ANO5: variants seen among roughly 807,000 people sequenced by gnomAD.
ANO5 encodes the protein anoctamin 5.
In ANO5, 109 loss-of-function variants were observed where a neutral mutation model predicts 121.0. The observed-to-expected ratio is 0.90, with a 90% CI of 0.77 to 1.06. The LOEUF (loss-of-function observed/expected upper bound fraction) is 1.06, where lower values mean the gene tolerates loss of function less well. Among genes scored for constraint, ANO5 ranks in the 50% least tolerant of loss-of-function variants. The probability of loss-of-function intolerance (pLI) is 0.00; values close to 1 mark genes in which losing one functional copy is unlikely to be tolerated. For missense variants in ANO5, 1,064 were observed against 1,078.5 expected (o/e 0.99, Z 0.19); for synonymous variants, 406 against 359.9 (o/e 1.13, Z -1.45).
intron 17 of ANO5, among the ~76,000 whole-genome samples, chr11:22,265,277 T>C (rs1564945545): frequency 6.6e-6 from 1 of 152,172 alleles, no homozygotes; most frequent in Non-Finnish European, 1.5e-5. Context: ...TTCTCATCAA[T>C]AGCATTAGAT....
At position 22,251,003 on chromosome 11, in the gene ANO5, G is replaced by C; in HGVS notation, c.1172G>C (p.Gly391Ala). The C allele has an allele frequency of 6.2e-7, 1 of 1,611,050 alleles. No individual in the cohort carries two copies. Among genetic ancestry groups the C allele is most frequent in the African/African-American group, 1.3e-5 (1 of 74,996 alleles). The change falls in exon 12 of 22, where the codon GGA (glycine) becomes GCA (alanine). Residue 391 changes from glycine to alanine, a missense_variant. Physicochemically the swap from Gly to Ala is moderately conservative, Grantham distance 60. Coordinates refer to ENST00000324559, the MANE Select transcript of ANO5 (RefSeq NM_213599.3). ...ACAGTGTTCTTTGCAATATTCATGG[G>C]AATTTGGGGTGAGTAAATAGTCCCA... is the stretch of plus-strand genomic sequence containing the variant. The part of the protein sequence containing the change: ...ESTVFFAIFM[G>A]IWVTLFLEFW...
chr11:22,271,115 C>G (rs1218626551), intron 18 of ANO5, among the ~76,000 whole-genome samples: 2 of 152,150 alleles, frequency 1.3e-5, no homozygotes, highest in Non-Finnish European at 2.9e-5. Flanking sequence ...CGCAGCTGCC[C>G]AATCTCGGCT....
At position 22,255,526 on chromosome 11, in the gene ANO5, G is replaced by A. The variant is rs1343682140; in HGVS notation, c.1332+4G>A. 5.0e-6 allele frequency: 8 copies of A among 1,612,670 alleles called. No homozygotes were observed. The highest frequency in any genetic ancestry group is 6.8e-6 in the Non-Finnish European group (8 of 1,178,994). ...GAAATTGAATGCAGTGACTAAGGTA[G>A]ACTAGAAAACTGTGAAACGGACAGC... On this transcript the variant is annotated splice_donor_region_variant and intron_variant, in intron 13 of 21. Coordinates refer to ENST00000324559, the MANE Select transcript of ANO5 (RefSeq NM_213599.3).
chr11:22,229,150 C>CCTCTCCAACACTTTCTCTAGGTA (rs1852950614), intron 7 of ANO5, among the ~76,000 whole-genome samples: 1 of 151,832 alleles, frequency 6.6e-6, no homozygotes, highest in East Asian at 1.9e-4. Flanking sequence ...TCTCCAACGT[C>CCTCTCCAACACTTTCTCTAGGTA]CTCTCCAACA....
At chr11:22,243,387 G>A (rs1853499929) in intron 9 of ANO5, among the ~76,000 whole-genome samples, 1 of 152,006 alleles carries the variant, frequency 6.6e-6, no homozygotes, top group South Asian at 2.1e-4. Context: ...TTTTGTTGTT[G>A]TGTCTCTATC....
chr11:22,279,682 A>T lies in ANO5; in HGVS notation c.2659A>T (p.Asn887Tyr). 6.2e-7 allele frequency: 1 copy of T among 1,612,926 alleles called. No homozygotes were observed. Among genetic ancestry groups the T allele is most frequent in the Non-Finnish European group, 8.5e-7 (1 of 1,179,190 alleles). ...HDFELNKLKE[N>Y]LGINSNEFAK... ...TTTTGAGCTCAACAAATTAAAAGAG[A>T]ACTTGGGAATTAATTCTAATGAATT... The change falls in exon 22 of 22, where the codon AAC becomes TAC. Residue 887 changes from asparagine (N) to tyrosine (Y), a missense_variant. Coordinates refer to ENST00000324559, the MANE Select transcript of ANO5 (RefSeq NM_213599.3).
rs794727745 is a variant in ANO5, at chr11:22,221,109, CAGCAA to C, written c.201_205del (p.Ser67ArgfsTer10). 1 of 1,611,140 alleles carries C rather than the reference CAGCAA, an allele frequency of 6.2e-7. No individual in the cohort carries two copies. Among genetic ancestry groups the C allele is most frequent in the Non-Finnish European group, 8.5e-7 (1 of 1,178,214 alleles). On this transcript the variant is annotated frameshift_variant, in exon 5 of 22. Coordinates refer to ENST00000324559, the MANE Select transcript of ANO5 (RefSeq NM_213599.3). LOFTEE classifies it high-confidence loss of function. ...ATGTCTCCTGCAGTTTCAAAAAAATCAGCAAAGCAAAGATTCTATCTTCTTCCGAG... is the reference window on the plus strand; with the variant it reads ...ATGTCTCCTGCAGTTTCAAAAAAATCAGCAAAGATTCTATCTTCTTCCGAG...
Position 22,282,112 on chromosome 11 carries a change from C to A in ANO5, c.*2347C>A, listed in dbSNP as rs893832388. The A allele has an allele frequency of 2.6e-5, 4 of 152,098 alleles. No individual in the cohort carries two copies. The highest frequency in any genetic ancestry group is 2.9e-5 in the Non-Finnish European group (2 of 67,988). The allele number at this position is 152,098 out of a possible 1,614,324, so 9.4% of individuals were successfully genotyped here. On this transcript the variant is annotated 3_prime_UTR_variant, in exon 22 of 22. Transcript: ENST00000324559. ...ATGGGAGGGCTGCATTAAGAGCACC[C>A]AACCACCACATGTAAGTTGATAATT...
intron 1 of ANO5, among the ~76,000 whole-genome samples, chr11:22,199,729 C>G (rs947199728): frequency 6.6e-6 from 1 of 151,994 alleles, no homozygotes; most frequent in Non-Finnish European, 1.5e-5. Flanking sequence ...ATCTGCATTA[C>G]ATTCACTCTG....
chr11:22,250,597 A>T, intron 10 of ANO5, 144 bp from the exon 11 acceptor site: 1 of 1,022,272 alleles, frequency 9.8e-7, no homozygotes, highest in Non-Finnish European at 1.5e-6. Context: ...TCAAAGCATG[A>T]CTTGACCCAC....
In ANO5 at chr11:22,262,963, T is replaced by C. The variant is rs760269206; in HGVS notation, c.1818T>C (p.Cys606=). The change falls in exon 17 of 22, where the codon TGT becomes TGC. Residue 606 remains cysteine, a synonymous_variant. Coordinates refer to ENST00000324559, the MANE Select transcript of ANO5 (RefSeq NM_213599.3). ...WRSEECDPGG[C]LIELTTQLTI... ...CTGACTAGTGTGATCCTGGAGGCTG[T>C]CTTATAGAATTGACAACCCAATTGA... 8 of 1,613,338 alleles carry C rather than the reference T, an allele frequency of 5.0e-6. No homozygotes were observed. Among genetic ancestry groups the C allele is most frequent in the African/African-American group, 4.0e-5 (3 of 75,018 alleles).
chr11:22,277,517 T>TA (rs1854908482), intron 21 of ANO5, among the ~76,000 whole-genome samples: 1 of 151,666 alleles, frequency 6.6e-6, no homozygotes, highest in Non-Finnish European at 1.5e-5. Context: ...AGAGATTTTA[T>TA]ATAAATACAA....
Position 22,259,528 on chromosome 11 carries a change from G to A in ANO5, c.1417G>A (p.Val473Ile), listed in dbSNP as rs202040709. 4.3e-5 allele frequency: 70 copies of A among 1,613,948 alleles called. No homozygotes were observed. Among genetic ancestry groups the A allele is most frequent in the Non-Finnish European group, 5.8e-5 (68 of 1,179,968 alleles). ...GATVTLWMSL[V>I]VTSMVAVIVY... is the part of the protein sequence containing the mutation. Reference sequence around the variant, plus strand: ...TGTTTTCCTTTCCCAGATGTCTCTTGTCGTCACCAGTATGGTAGCTGTAAT... The same window carrying A: ...TGTTTTCCTTTCCCAGATGTCTCTTATCGTCACCAGTATGGTAGCTGTAAT... The change falls in exon 15 of 22, where the codon GTC becomes ATC. Residue 473 changes from valine to isoleucine, a missense_variant. Physicochemically the swap from Val to Ile is conservative, Grantham distance 29 (BLOSUM62 3). Coordinates refer to ENST00000324559, the MANE Select transcript of ANO5 (RefSeq NM_213599.3).
chr11:22,204,723 A>C (rs1852059341), intron 2 of ANO5, among the ~76,000 whole-genome samples: 1 of 152,128 alleles, frequency 6.6e-6, no homozygotes, highest in African/African-American at 2.4e-5. Context: ...TGTGGAGAAG[A>C]AGGAATGCTT....
At chr11:22,258,989 C>G (rs552293357) in intron 14 of ANO5, among the ~76,000 whole-genome samples, 1 of 151,852 alleles carries the variant, frequency 6.6e-6, no homozygotes, top group East Asian at 1.9e-4. Context: ...AAAAATTAGC[C>G]GGGTGTGGTG....
chr11:22,274,453 A>C (rs532672360), intron 19 of ANO5, 116 bp from the exon 20 acceptor site: 1 of 928,626 alleles, frequency 1.1e-6, no homozygotes, highest in Middle Eastern at 2.7e-4. Flanking sequence ...GATTTATAAT[A>C]GTATTTAATC....
chr11:22,222,427 A>T (rs991643665), intron 5 of ANO5, among the ~76,000 whole-genome samples: 1 of 151,848 alleles, frequency 6.6e-6, no homozygotes, highest in African/African-American at 2.4e-5. Context: ...TCAGCCATTC[A>T]CTCACCTAGA....
intron 5 of ANO5, 48 bp downstream of exon 5, chr11:22,221,258 T>C: frequency 7.0e-7 from 1 of 1,437,050 alleles, no homozygotes; most frequent in East Asian, 2.3e-5. Context: ...AAGCACATTT[T>C]ATAATTTCAC....
At position 22,266,140 on chromosome 11, in the gene ANO5, G is replaced by A. The variant is rs75929301; in HGVS notation, c.1898+3097G>A. Among the ~76,000 whole-genome samples the A allele has an allele frequency of 7.2e-3, 1,101 of 152,198 alleles. 5 individuals carry two copies. The highest frequency in any genetic ancestry group is 8.8e-3 in the Non-Finnish European group (600 of 67,996). On this transcript the variant is annotated intron_variant, in intron 17 of 21. Transcript: ENST00000324559. Reference sequence around the variant, plus strand: ...CATAGACAAAACTATTTTTTAAAAAGCAAGGAAGTGATTATTATAAAATTT... The same window carrying A: ...CATAGACAAAACTATTTTTTAAAAAACAAGGAAGTGATTATTATAAAATTT...
Sources: gnomAD v4.1 joint callset for allele counts (sites outside exome capture counted in the v4.1 genomes callset) on GRCh38, gnomAD v4.1.1 for gene constraint, MANE v1.5 for transcripts, NCBI Gene and HGNC (gene_info 2026-07-23, HGNC 2026-07-21) for gene names.